Variants in HKDC1 observed in about 807,000 individuals in gnomAD.
The protein encoded by HKDC1 is hexokinase domain containing 1.
A neutral mutation model predicts 96.6 loss-of-function variants in HKDC1; 66 were observed. That is an observed-to-expected ratio of 0.68 (90% CI 0.56 to 0.84). The LOEUF (loss-of-function observed/expected upper bound fraction) is 0.84, where lower values mean the gene tolerates loss of function less well. Among genes scored for constraint, HKDC1 ranks in the 40% least tolerant of loss-of-function variants. The probability of loss-of-function intolerance (pLI) is 0.00; values close to 1 mark genes in which losing one functional copy is unlikely to be tolerated. For missense variants in HKDC1, 1,211 were observed against 1,208.1 expected, an observed-to-expected ratio of 1.00 and a Z score of -0.04; for synonymous variants, 466 against 473.1, an observed-to-expected ratio of 0.98 and a Z score of 0.20.
At chr10:69,239,225 C>A in intron 5 of HKDC1, 88 bp downstream of exon 5, 1 of 867,092 alleles carries the variant, frequency 1.2e-6, no homozygotes, top group South Asian at 1.4e-5. Context: ...GTGAGGGGGT[C>A]ACATATGGTG....
intron 7 of HKDC1, among the ~76,000 whole-genome samples, chr10:69,244,799 C>A (rs1843512547): frequency 6.6e-6 from 1 of 152,066 alleles, no homozygotes. Context: ...GCACTCCAGC[C>A]TGGGCAACAG....
chr10:69,220,594 C>A, intron 1 of HKDC1, 96 bp downstream of exon 1: 2 of 845,746 alleles, frequency 2.4e-6, no homozygotes, highest in Non-Finnish European at 3.6e-6. Flanking sequence ...GTGAAGAGAG[C>A]TTATTAGAAA....
intron 16 of HKDC1, among the ~76,000 whole-genome samples, chr10:69,262,812 A>G (rs1396466685): frequency 2.0e-5 from 3 of 152,122 alleles, no homozygotes; most frequent in African/African-American, 7.2e-5. Flanking sequence ...ATCTGAACAG[A>G]TGGGTTAAAA....
chr10:69,245,887 T>C (rs1297602731), intron 7 of HKDC1, among the ~76,000 whole-genome samples, 192 bp from the exon 8 acceptor site: 1 of 152,160 alleles, frequency 6.6e-6, no homozygotes, highest in Non-Finnish European at 1.5e-5. Flanking sequence ...ATGCTCGATG[T>C]GAGAATGGTA....
intron 1 of HKDC1, among the ~76,000 whole-genome samples, chr10:69,223,600 T>TC (rs1231311264): frequency 6.8e-6 from 1 of 146,650 alleles, no homozygotes; most frequent in African/African-American, 2.5e-5. Flanking sequence ...TTTTTTTTTT[T>TC]TTTGAGACGA....
intron 7 of HKDC1, among the ~76,000 whole-genome samples, chr10:69,245,569 C>CTAATAA (rs1564731645): frequency 9.3e-5 from 6 of 64,494 alleles, no homozygotes; most frequent in South Asian, 6.1e-4. Flanking sequence ...GATCCTGTCT[C>CTAATAA]CAATAATAAT....
At chr10:69,253,394 G>A (rs1165642942) in intron 12 of HKDC1, among the ~76,000 whole-genome samples, 1 of 152,204 alleles carries the variant, frequency 6.6e-6, no homozygotes, top group Non-Finnish European at 1.5e-5. Flanking sequence ...GGGCTTGGGA[G>A]CAGGCCCAGA....
intron 7 of HKDC1, among the ~76,000 whole-genome samples, chr10:69,245,114 G>A (rs779412461): frequency 1.7e-4 from 26 of 152,134 alleles, no homozygotes; most frequent in Non-Finnish European, 2.9e-4. Context: ...ATATTGGCCA[G>A]GCTGGTCTCA....
chr10:69,261,115 A>G, intron 15 of HKDC1, 24 bp from the exon 16 acceptor site: 1 of 1,607,738 alleles, frequency 6.2e-7, no homozygotes, highest in Non-Finnish European at 8.5e-7. Flanking sequence ...GTCTGCCCCA[A>G]CCTTATCCTT....
intron 15 of HKDC1, among the ~76,000 whole-genome samples, chr10:69,259,844 C>T (rs1267066354): frequency 6.6e-6 from 1 of 152,146 alleles, no homozygotes; most frequent in African/African-American, 2.4e-5. Flanking sequence ...GGGGGGAAAT[C>T]CACCCCCATG....
chr10:69,233,122 A>AAACTGGAAGAGGTAAGGCGCGGAGGG lies in HKDC1; in HGVS notation c.487_495+17dup. On this transcript the variant is annotated frameshift_variant, in exon 4 of 18. Transcript: ENST00000354624. LOFTEE classifies it high-confidence loss of function. ...TTTTTCTTTCCCCTGTCGACAGACTAAACTGGAAGAGGTAAGGCGCGGAGG... is the reference window on the plus strand; with the variant it reads ...TTTTTCTTTCCCCTGTCGACAGACTAAACTGGAAGAGGTAAGGCGCGGAGGGAACTGGAAGAGGTAAGGCGCGGAGG... The AAACTGGAAGAGGTAAGGCGCGGAGGG allele has an allele frequency of 1.2e-6, 2 of 1,614,014 alleles. No homozygotes were observed. The highest frequency in any genetic ancestry group is 2.7e-5 in the African/African-American group (2 of 75,068).
intron 7 of HKDC1, among the ~76,000 whole-genome samples, chr10:69,244,084 C>T (rs1232340302): frequency 2.0e-5 from 3 of 152,132 alleles, no homozygotes; most frequent in African/African-American, 7.2e-5. Context: ...GAGGCCTAAT[C>T]ACTCAGCAAG....
intron 16 of HKDC1, 66 bp from the exon 17 acceptor site, chr10:69,265,519 G>A: frequency 7.3e-7 from 1 of 1,374,066 alleles, no homozygotes; most frequent in Non-Finnish European, 1.0e-6. Flanking sequence ...GGAGGCTGTG[G>A]GTCACACTGG....
In HKDC1 at chr10:69,248,661, G is replaced by A. The variant is rs1406545893; in HGVS notation, c.1503G>A (p.Lys501=). 3.1e-6 allele frequency: 5 copies of A among 1,614,018 alleles called. No individual in the cohort carries two copies. In the South Asian group the frequency reaches 5.5e-5, roughly 18 times the overall value. Residue 501 remains lysine, a synonymous_variant, in exon 10 of 18, where the codon AAG becomes AAA. Coordinates refer to ENST00000354624, the MANE Select transcript of HKDC1 (RefSeq NM_025130.4). ...CTGAGCTGGAGTATGGGCTGAAGAA[G>A]AAGAGCCACGGGCTGGCCACGGTCA... ...MRAELEYGLK[K]KSHGLATVRM...
chr10:69,220,529 C>A, intron 1 of HKDC1, 31 bp downstream of exon 1: 2 of 1,470,190 alleles, frequency 1.4e-6, no homozygotes, highest in East Asian at 2.5e-5. Context: ...TGAGAGATGC[C>A]CAGCTCCTTC....
intron 16 of HKDC1, among the ~76,000 whole-genome samples, chr10:69,262,550 A>C (rs1028476446): frequency 6.6e-6 from 1 of 152,100 alleles, no homozygotes; most frequent in African/African-American, 2.4e-5. Context: ...GTGTTCATTC[A>C]TTTAATTCTC....
Position 69,265,675 on chromosome 10 carries a change from G to A in HKDC1, c.2463G>A (p.Val821=). Residue 821 remains valine, a synonymous_variant, in exon 17 of 18, where the codon GTG becomes GTA. Coordinates refer to ENST00000354624, the MANE Select transcript of HKDC1 (RefSeq NM_025130.4). The part of the protein sequence containing the change: ...TCEDSIVVKE[V]CGAVSRRAAQ... Reference sequence around the variant, plus strand: ...AGGACAGCATCGTGGTGAAGGAGGTGTGCGGAGCCGTGTCCCGGCGGGCGG... The same window carrying A: ...AGGACAGCATCGTGGTGAAGGAGGTATGCGGAGCCGTGTCCCGGCGGGCGG... 5 of 1,614,044 alleles carry A rather than the reference G, an allele frequency of 3.1e-6. No homozygotes were observed. Among genetic ancestry groups the A allele is most frequent in the Non-Finnish European group, 4.2e-6 (5 of 1,179,946 alleles).
chr10:69,251,001 T>C (rs1843633600), intron 12 of HKDC1, among the ~76,000 whole-genome samples: 1 of 151,936 alleles, frequency 6.6e-6, no homozygotes, highest in African/African-American at 2.4e-5. Context: ...TGTGTCTTTC[T>C]GGACAGCCAT....
In HKDC1 at chr10:69,233,120, C is replaced by A; in HGVS notation, c.482C>A (p.Thr161Asn). The A allele has an allele frequency of 6.2e-7, 1 of 1,613,970 alleles. No homozygotes were observed. Among genetic ancestry groups the A allele is most frequent in the Non-Finnish European group, 8.5e-7 (1 of 1,180,000 alleles). ...GLTFSFPCRQ[T>N]KLEEGVLLSW... is the part of the protein sequence containing the mutation. ...ACTTTTTCTTTCCCCTGTCGACAGA[C>A]TAAACTGGAAGAGGTAAGGCGCGGA... Residue 161 changes from threonine to asparagine, a missense_variant, in exon 4 of 18, where the codon ACT becomes AAT. Physicochemically the swap from Thr to Asn is moderately conservative, Grantham distance 65. Coordinates refer to ENST00000354624, the MANE Select transcript of HKDC1 (RefSeq NM_025130.4).
Sources: allele counts gnomAD v4.1 joint callset (sites outside exome capture counted in the v4.1 genomes callset), GRCh38; gene constraint gnomAD v4.1.1; transcripts MANE v1.5; gene names NCBI Gene and HGNC (gene_info 2026-07-23, HGNC 2026-07-21).